The following KLF3 variants were observed in gnomAD, a reference collection of about 807,000 sequenced individuals.
KLF3 encodes Krueppel-like factor 3.
In KLF3, 6 loss-of-function variants were observed where a neutral mutation model predicts 32.7. The ratio of observed to expected loss-of-function variants is 0.18; its 90% confidence interval spans 0.10 to 0.36. The LOEUF (loss-of-function observed/expected upper bound fraction) is 0.36. KLF3 is among the 10% of genes least tolerant of loss of function. The pLI is 1.00. For missense variants in KLF3, 338 were observed against 449.7 expected, an observed-to-expected ratio of 0.75 and a Z score of 2.25; for synonymous variants, 145 against 172.8, an observed-to-expected ratio of 0.84 and a Z score of 1.26.
intron 5 of KLF3, among the ~76,000 whole-genome samples, chr4:38,696,751 C>G (rs1427993407): frequency 6.6e-6 from 1 of 152,148 alleles, no homozygotes; most frequent in Non-Finnish European, 1.5e-5. Context: ...TAATTAAGCT[C>G]CCAAGCAGGT....
chr4:38,669,510 T>C (rs1034977683), intron 1 of KLF3, among the ~76,000 whole-genome samples: 6 of 152,178 alleles, frequency 3.9e-5, no homozygotes, highest in African/African-American at 1.4e-4. Context: ...TCAGCTCTCT[T>C]TGCTTGAAAT....
chr4:38,679,294 A>G (rs1486089423), intron 1 of KLF3, among the ~76,000 whole-genome samples: 1 of 152,128 alleles, frequency 6.6e-6, no homozygotes, highest in Non-Finnish European at 1.5e-5. Flanking sequence ...AATAGAGCTG[A>G]AAAAAAATAA....
At position 38,697,113 on chromosome 4, in the gene KLF3, G is replaced by T. The variant is rs751875595; in HGVS notation, c.888G>T (p.Gly296=). 1 of 1,613,120 alleles carries T rather than the reference G, an allele frequency of 6.2e-7. No homozygotes were observed. The highest frequency in any genetic ancestry group is 8.5e-7 in the Non-Finnish European group (1 of 1,179,534). ...AACCCTACAAATGTACATGGGAAGG[G>T]TGCACATGGAAGTTTGCTCGGTCTG... The part of the protein sequence containing the change: ...GEKPYKCTWE[G]CTWKFARSDE... Residue 296 remains glycine, a synonymous_variant, in exon 6 of 6, where the codon GGG becomes GGT. Coordinates refer to ENST00000261438, the MANE Select transcript of KLF3 (RefSeq NM_016531.6).
intron 1 of KLF3, among the ~76,000 whole-genome samples, chr4:38,679,410 T>G (rs1722450253): frequency 6.6e-6 from 1 of 152,224 alleles, no homozygotes; most frequent in Admixed American, 6.5e-5. Context: ...CACATGTTGC[T>G]GGTGGAGGTT....
In KLF3 at chr4:38,697,484, T is replaced by G. The variant is rs1452896950; in HGVS notation, c.*221T>G. The G allele has an allele frequency of 2.1e-5, 4 of 189,200 alleles. No individual in the cohort carries two copies. The highest frequency in any genetic ancestry group is 1.0e-4 in the African/African-American group (4 of 40,116). 11.7% of individuals were successfully genotyped at this position (189,200 alleles called of 1,614,324 possible). ...GGTCAGACCTAAAGAATGTGAACAC[T>G]TTTTTTTTTTTTTCTGGGGATGCTA... On this transcript the variant is annotated 3_prime_UTR_variant, in exon 6 of 6. Coordinates refer to ENST00000261438, the MANE Select transcript of KLF3 (RefSeq NM_016531.6).
At position 38,697,317 on chromosome 4, in the gene KLF3, G is replaced by T. The variant is rs1723070646; in HGVS notation, c.*54G>T. 8 of 1,445,106 alleles carry T rather than the reference G, an allele frequency of 5.5e-6. No homozygotes were observed. The highest frequency in any genetic ancestry group is 7.5e-6 in the Non-Finnish European group (8 of 1,064,634). The allele number at this position is 1,445,106 out of a possible 1,614,324, so 89.5% of individuals were successfully genotyped here. ...TCCCCACTCACCTGGCTCTCTCTCT[G>T]TCCTGCCTCCCATTATCTAACACAT... On this transcript the variant is annotated 3_prime_UTR_variant, in exon 6 of 6. Transcript: ENST00000261438.
In KLF3 at chr4:38,688,775, A is replaced by G; in HGVS notation, c.248A>G (p.Lys83Arg). 1 of 1,614,132 alleles carries G rather than the reference A, an allele frequency of 6.2e-7. No homozygotes were observed. The highest frequency in any genetic ancestry group is 2.2e-5 in the East Asian group (1 of 44,884). Residue 83 changes from lysine to arginine, a missense_variant, in exon 3 of 6, where the codon AAG becomes AGG. Coordinates refer to ENST00000261438, the MANE Select transcript of KLF3 (RefSeq NM_016531.6). This position sits in a 1 kb window ranked among gnomAD's most constrained non-coding sequence, Gnocchi z 4.9. ...PSAGNSPSSL[K>R]FPSSHRRASP... ...GCTGGGAATTCGCCCTCCTCTCTGA[A>G]GTTCCCGTCCTCACACCGGAGAGCC...
rs755283435 is a variant in KLF3 at position 38,688,983 on chromosome 4, C to T, written c.456C>T (p.Pro152=). The change falls in exon 3 of 6, where the codon CCC becomes CCT. Residue 152 remains proline (P), a synonymous_variant. Transcript: ENST00000261438. This position sits in a 1 kb window ranked among gnomAD's most constrained non-coding sequence, Gnocchi z 4.9. ...TCATCCAGCCGGTGGTGGTGCAGCC[C>T]GTCCCCTTTATGTACACAAGTCACC... The part of the protein sequence containing the change: ...LPVIQPVVVQ[P]VPFMYTSHLQ... 6.8e-6 allele frequency: 11 copies of T among 1,614,116 alleles called. No homozygotes were observed. In the East Asian group the frequency reaches 1.1e-4, roughly 16 times the overall value.
Position 38,674,517 on chromosome 4 carries a change from C to A in KLF3, c.-39-6070C>A, listed in dbSNP as rs961026298. Among the ~76,000 whole-genome samples, 7 of 151,304 alleles carry A rather than the reference C, an allele frequency of 4.6e-5. No individual in the cohort carries two copies. Among genetic ancestry groups the A allele is most frequent in the Admixed American group, 3.3e-4 (5 of 15,146 alleles). On this transcript the variant is annotated intron_variant, in intron 1 of 5. Transcript: ENST00000261438. This position sits in a 1 kb window ranked among gnomAD's most constrained non-coding sequence, Gnocchi z 4.1. The stretch of plus-strand genomic sequence containing the variant: ...TAACATGTTTTCTCTTTGAAAAATC[C>A]AAAAACTTAGAAGAGTTGAAAGGGA...
Position 38,697,309 on chromosome 4 carries a change from C to T in KLF3, c.*46C>T, listed in dbSNP as rs1342755838. On this transcript the variant is annotated 3_prime_UTR_variant, in exon 6 of 6. Transcript: ENST00000261438. ...AGCGTGACTCCCCACTCACCTGGCTCTCTCTCTGTCCTGCCTCCCATTATC... is the reference window on the plus strand; with the variant it reads ...AGCGTGACTCCCCACTCACCTGGCTTTCTCTCTGTCCTGCCTCCCATTATC... 7.4e-5 allele frequency: 112 copies of T among 1,506,190 alleles called. No individual in the cohort carries two copies. The highest frequency in any genetic ancestry group is 9.7e-5 in the Non-Finnish European group (108 of 1,108,118). 93.3% of individuals were successfully genotyped at this position (1,506,190 alleles called of 1,614,324 possible).
intron 2 of KLF3, among the ~76,000 whole-genome samples, chr4:38,681,954 G>A (rs1722539762): frequency 6.6e-6 from 1 of 152,232 alleles, no homozygotes; most frequent in South Asian, 2.1e-4. Context: ...TGCAAGTTAA[G>A]TCAGAGGGGC....
rs1203409176 is a variant in KLF3, at chr4:38,671,313, GGTCAAGCTGCCAATTTTTCTCA to G, written c.-40+6854_-40+6875del. Among the ~76,000 whole-genome samples the G allele has an allele frequency of 6.6e-6, 1 of 152,198 alleles. No homozygotes were observed. The highest frequency in any genetic ancestry group is 1.5e-5 in the Non-Finnish European group (1 of 68,028). On this transcript the variant is annotated intron_variant, in intron 1 of 5. Coordinates refer to ENST00000261438, the MANE Select transcript of KLF3 (RefSeq NM_016531.6). This position sits in a 1 kb window ranked among gnomAD's most constrained non-coding sequence, Gnocchi z 4.4. Reference sequence around the variant, plus strand: ...TTATGAGGATTTCCGTATTTACTTGGGTCAAGCTGCCAATTTTTCTCAGCAGTTATATCGACAATGCAGGTGC... The same window carrying G: ...TTATGAGGATTTCCGTATTTACTTGGGCAGTTATATCGACAATGCAGGTGC...
chr4:38,692,940 T>C lies in KLF3; in HGVS notation c.696-1806T>C, dbSNP rs1438034359. The stretch of plus-strand genomic sequence containing the variant: ...ATTAGATGGCATTAAAGCTGAAAGT[T>C]AAAAATAAACTGAACTTTTTTCTTT... On this transcript the variant is annotated intron_variant, in intron 4 of 5. Coordinates refer to ENST00000261438, the MANE Select transcript of KLF3 (RefSeq NM_016531.6). Among the ~76,000 whole-genome samples, 3 of 151,882 alleles carry C rather than the reference T, an allele frequency of 2.0e-5. No individual in the cohort carries two copies. The East Asian group carries it at 5.8e-4, about 29-fold the overall frequency.
Position 38,689,050 on chromosome 4 carries a change from A to T in KLF3, c.523A>T (p.Asn175Tyr). Residue 175 changes from asparagine to tyrosine, a missense_variant, in exon 3 of 6, where the codon AAT becomes TAT. Physicochemically the swap from Asn to Tyr is moderately radical, Grantham distance 143. Transcript: ENST00000261438. ...LMVSLSEEME[N>Y]SSSSMQVPVI... ...GGTCTCCTTATCGGAGGAGATGGAA[A>T]ATTCCAGTAGTAGCATGCAAGGTAA... 1.2e-6 allele frequency: 2 copies of T among 1,613,612 alleles called. No homozygotes were observed. Among genetic ancestry groups the T allele is most frequent in the Non-Finnish European group, 1.7e-6 (2 of 1,179,504 alleles).
rs905863640 is a variant in KLF3, at chr4:38,698,141, G to T, written c.*878G>T. 1 of 152,162 alleles carries T rather than the reference G, an allele frequency of 6.6e-6. No individual in the cohort carries two copies. Among genetic ancestry groups the T allele is most frequent in the African/African-American group, 2.4e-5 (1 of 41,438 alleles). The allele number at this position is 152,162 out of a possible 1,614,324, so 9.4% of individuals were successfully genotyped here. A position where few individuals can be genotyped will look rare whatever the true frequency, so the allele number is the denominator to read the frequency against. On this transcript the variant is annotated 3_prime_UTR_variant, in exon 6 of 6. Transcript: ENST00000261438. ...TGCTGCAAAGCCATATACCGATGGG[G>T]TTATCCATGCAACTATCTCCATTCC...
intron 2 of KLF3, among the ~76,000 whole-genome samples, chr4:38,681,792 A>G (rs1385994167): frequency 1.3e-5 from 2 of 152,216 alleles, no homozygotes; most frequent in Admixed American, 1.3e-4. Context: ...GTTGGTAATG[A>G]CACGCTTGCA....
In KLF3 at chr4:38,671,161, G is replaced by C. The variant is rs568348039; in HGVS notation, c.-40+6700G>C. 6.6e-6 allele frequency among the ~76,000 whole-genome samples: 1 copy of C among 152,198 alleles called. No individual in the cohort carries two copies. Among genetic ancestry groups the C allele is most frequent in the East Asian group, 1.9e-4 (1 of 5,194 alleles). On this transcript the variant is annotated intron_variant, in intron 1 of 5. Coordinates refer to ENST00000261438, the MANE Select transcript of KLF3 (RefSeq NM_016531.6). The surrounding 1 kb of genome is among the most constrained non-coding windows in gnomAD (Gnocchi z 4.4). The stretch of plus-strand genomic sequence containing the variant: ...AGTGCCCGGGTCTGCAGGCAGACAC[G>C]CTTCTGTTCCTGGCTGCAGCTCCAA...
Position 38,696,226 on chromosome 4 carries a change from A to G in KLF3, c.857-856A>G, listed in dbSNP as rs556159546. On this transcript the variant is annotated intron_variant, in intron 5 of 5. Transcript: ENST00000261438. ...AAAAAAAACGCCTCTTTGTGTGTGTATTCTGTACCAGGAAGCAGATAATAG... is the reference window on the plus strand; with the variant it reads ...AAAAAAAACGCCTCTTTGTGTGTGTGTTCTGTACCAGGAAGCAGATAATAG... Among the ~76,000 whole-genome samples, 9 of 147,948 alleles carry G rather than the reference A, an allele frequency of 6.1e-5. 1 individual carries two copies. In the South Asian group the frequency reaches 6.5e-4, roughly 11 times the overall value.
At chr4:38,696,655 T>C (rs1433664576) in intron 5 of KLF3, among the ~76,000 whole-genome samples, 1 of 152,252 alleles carries the variant, frequency 6.6e-6, no homozygotes, top group Admixed American at 6.5e-5. Context: ...TTCATATTTT[T>C]GGAAAACTAT....
Sources: gnomAD v4.1 joint callset for allele counts (sites outside exome capture counted in the v4.1 genomes callset) on GRCh38, gnomAD v4.1.1 for gene constraint, Gnocchi (gnomAD v3.1) non-coding constraint, MANE v1.5 for transcripts, NCBI Gene and HGNC (gene_info 2026-07-23, HGNC 2026-07-21) for gene names.